The following LRRTM4 variants were observed in gnomAD, a reference collection of about 807,000 sequenced individuals.
LRRTM4 encodes leucine rich repeat transmembrane neuronal 4.
A neutral mutation model predicts 47.6 loss-of-function variants in LRRTM4; 25 were observed. That is an observed-to-expected ratio of 0.53 (90% CI 0.38 to 0.73). The LOEUF is 0.73. Ranked by LOEUF, LRRTM4 falls within the 30% of genes least tolerant of loss-of-function variation. The pLI is 0.00. For synonymous variants in LRRTM4, 311 were observed against 269.5 expected, an observed-to-expected ratio of 1.15 and a Z score of -1.51; for missense variants, 638 against 713.4, an observed-to-expected ratio of 0.89 and a Z score of 1.20.
At chr2:77,331,282 A>G (rs728328) in intron 3 of LRRTM4, among the ~76,000 whole-genome samples, 3,049 of 152,292 alleles carry the variant, frequency 0.02, 111 homozygotes, top group African/African-American at 0.069. Flanking sequence ...TAGGCAAACC[A>G]AAAGAAAACC....
chr2:77,328,227 C>T (rs1670850239), intron 3 of LRRTM4, among the ~76,000 whole-genome samples: 1 of 152,124 alleles, frequency 6.6e-6, no homozygotes, highest in African/African-American at 2.4e-5. Context: ...TCCAAGTGAG[C>T]TCAAAGGTGT....
In LRRTM4 at chr2:76,956,122, A is replaced by G. The variant is rs111479679; in HGVS notation, c.1552-207206T>C. ...ACACACATTAGTCAAAAGTGAAAGA[A>G]TGAAAAAAGATATCCCATACAAATG... On this transcript the variant is annotated intron_variant, in intron 3 of 3. Coordinates refer to ENST00000409884, the MANE Select transcript of LRRTM4 (RefSeq NM_001134745.3). Among the ~76,000 whole-genome samples the G allele has an allele frequency of 4.4e-3, 662 of 151,830 alleles. 7 individuals carry two copies. The highest frequency in any genetic ancestry group is 7.4e-3 in the Non-Finnish European group (505 of 67,828).
chr2:77,068,730 G>T (rs903565941), intron 3 of LRRTM4, among the ~76,000 whole-genome samples: 6 of 152,208 alleles, frequency 3.9e-5, no homozygotes. Context: ...CATTTGAGGT[G>T]TGTTGGGAAC....
At chr2:77,389,838 T>C (rs2103811771) in intron 3 of LRRTM4, among the ~76,000 whole-genome samples, 1 of 152,186 alleles carries the variant, frequency 6.6e-6, no homozygotes, top group East Asian at 1.9e-4. Context: ...TTTTCATTTC[T>C]TGAGCACCTA....
intron 3 of LRRTM4, among the ~76,000 whole-genome samples, chr2:77,198,837 G>C (rs1314221263): frequency 6.6e-6 from 1 of 152,118 alleles, no homozygotes; most frequent in Non-Finnish European, 1.5e-5. Context: ...TCTCTCACTA[G>C]CTATCCTAAC....
intron 3 of LRRTM4, among the ~76,000 whole-genome samples, chr2:77,362,514 T>G (rs2104319519): frequency 6.6e-6 from 1 of 152,282 alleles, no homozygotes; most frequent in Admixed American, 6.5e-5. Flanking sequence ...TAAACTATGA[T>G]CACAAGCTGG....
At chr2:77,504,687 T>C (rs1678701122) in intron 3 of LRRTM4, among the ~76,000 whole-genome samples, 2 of 151,618 alleles carry the variant, frequency 1.3e-5, no homozygotes, top group South Asian at 4.1e-4. Flanking sequence ...TTATTCTGTT[T>C]ATAAGAATAC....
At chr2:76,805,135 C>CT (rs1675905181) in intron 3 of LRRTM4, among the ~76,000 whole-genome samples, 2 of 152,198 alleles carry the variant, frequency 1.3e-5, no homozygotes, top group Middle Eastern at 3.4e-3. Flanking sequence ...GGAATCAAGG[C>CT]CCTTAACCTC....
chr2:76,765,441 A>G (rs1673419544), intron 3 of LRRTM4, among the ~76,000 whole-genome samples: 1 of 152,216 alleles, frequency 6.6e-6, no homozygotes, highest in Admixed American at 6.5e-5. Flanking sequence ...GCAGAATATT[A>G]TGTGTCCTAA....
rs143936206 is a variant in LRRTM4, at chr2:77,123,571, C to T, written c.1552-374655G>A. ...AATATATAATCTTGGCCTTAACTATCATTTTTAACACAGAGAGAAAGAAGG... is the reference window on the plus strand; with the variant it reads ...AATATATAATCTTGGCCTTAACTATTATTTTTAACACAGAGAGAAAGAAGG... On this transcript the variant is annotated intron_variant, in intron 3 of 3. Coordinates refer to ENST00000409884, the MANE Select transcript of LRRTM4 (RefSeq NM_001134745.3). 1.4e-4 allele frequency among the ~76,000 whole-genome samples: 21 copies of T among 152,088 alleles called. No homozygotes were observed. The East Asian group carries it at 4.1e-3, about 29-fold the overall frequency.
At chr2:76,764,959 A>G (rs1324209660) in intron 3 of LRRTM4, among the ~76,000 whole-genome samples, 1 of 152,128 alleles carries the variant, frequency 6.6e-6, no homozygotes, top group Non-Finnish European at 1.5e-5. Flanking sequence ...CCCAGCCTGG[A>G]AAATTGTGGA....
At chr2:77,412,711 C>A (rs561462054) in intron 3 of LRRTM4, among the ~76,000 whole-genome samples, 1 of 152,238 alleles carries the variant, frequency 6.6e-6, no homozygotes, top group African/African-American at 2.4e-5. Context: ...ACTAATAAAA[C>A]ACAATTTTCA....
rs148188995 is a variant in LRRTM4, at chr2:77,141,721, T to G, written c.1551+376597A>C. ...TTTCTGAAATGAGTTGCTAAAACCA[T>G]GACATTTGTTACTGGCTCCCAATTT... On this transcript the variant is annotated intron_variant, in intron 3 of 3. Transcript: ENST00000409884. 9.8e-5 allele frequency among the ~76,000 whole-genome samples: 15 copies of G among 152,304 alleles called. No homozygotes were observed. In the East Asian group the frequency reaches 1.2e-3, roughly 12 times the overall value.
chr2:77,491,952 C>A (rs1032811491), intron 3 of LRRTM4, among the ~76,000 whole-genome samples: 1 of 151,482 alleles, frequency 6.6e-6, no homozygotes. Context: ...AAACGTAGAA[C>A]AAAGGAAACG....
intron 3 of LRRTM4, among the ~76,000 whole-genome samples, chr2:77,439,700 T>C (rs1479769542): frequency 6.6e-6 from 1 of 152,188 alleles, no homozygotes; most frequent in Non-Finnish European, 1.5e-5. Context: ...AAGAAACATA[T>C]GAACTTTTTT....
intron 3 of LRRTM4, among the ~76,000 whole-genome samples, chr2:76,804,488 A>G (rs1306533140): frequency 6.6e-6 from 1 of 151,890 alleles, no homozygotes; most frequent in East Asian, 1.9e-4. Flanking sequence ...TCTAAGTATC[A>G]GCCATATTCT....
intron 3 of LRRTM4, among the ~76,000 whole-genome samples, chr2:77,508,956 C>T (rs1029855355): frequency 1.6e-4 from 25 of 151,956 alleles, no homozygotes; most frequent in African/African-American, 5.3e-4. Context: ...TAAGGCCAGG[C>T]CACAGCAGCT....
intron 3 of LRRTM4, among the ~76,000 whole-genome samples, chr2:76,924,184 T>C (rs528054028): frequency 1.1e-4 from 17 of 152,240 alleles, no homozygotes; most frequent in Admixed American, 1.3e-4. Flanking sequence ...CTTTCAGAAA[T>C]TCACTTATCC....
chr2:77,139,156 CAG>C (rs1672040421), intron 3 of LRRTM4, among the ~76,000 whole-genome samples: 3 of 151,936 alleles, frequency 2.0e-5, no homozygotes, highest in African/African-American at 7.3e-5. Flanking sequence ...CAAAGGCTGA[CAG>C]AGACACAACA....
Sources: allele counts gnomAD v4.1 joint callset (sites outside exome capture counted in the v4.1 genomes callset), GRCh38; gene constraint gnomAD v4.1.1; transcripts MANE v1.5; gene names NCBI Gene and HGNC (gene_info 2026-07-23, HGNC 2026-07-21).